RASSF9: variants seen among roughly 807,000 people sequenced by gnomAD.
RASSF9 encodes the protein Ras association domain family member 9.
A neutral mutation model predicts 21.4 loss-of-function variants in RASSF9; 18 were observed. The ratio of observed to expected loss-of-function variants is 0.84; its 90% CI spans 0.58 to 1.25. The LOEUF (loss-of-function observed/expected upper bound fraction) is 1.25, where lower values mean the gene tolerates loss of function less well. Ranked by LOEUF, RASSF9 falls within the 50% of genes most tolerant of loss-of-function variation. The probability of loss-of-function intolerance (pLI) is 0.00; values close to 1 mark genes in which losing one functional copy is unlikely to be tolerated. For missense variants in RASSF9, 480 were observed against 503.2 expected (o/e 0.95, Z 0.44); for synonymous variants, 183 against 179.1 (o/e 1.02, Z -0.18).
At chr12:85,816,978 AAT>A (rs1383926750) in intron 1 of RASSF9, among the ~76,000 whole-genome samples, 1 of 152,120 alleles carries the variant, frequency 6.6e-6, no homozygotes, top group Non-Finnish European at 1.5e-5. Context: ...CAAGTTCGGA[AAT>A]AGAGTTAGGA....
chr12:85,804,944 C>A lies in RASSF9; in HGVS notation c.1066G>T (p.Glu356Ter). Reference protein sequence around the residue: ...SDSLLQMKAKEYELLAKEFNS... With the variant: ...SDSLLQMKAK ...AATTCCTTGGCCAGGAGTTCATATT[C>A]TTTTGCTTTCATCTGAAGCAATGAG... The change falls in exon 2 of 2, where the codon GAA becomes TAA. Residue 356 changes from glutamate (E) to a stop codon, truncating the protein, a stop_gained. Coordinates refer to ENST00000361228, the MANE Select transcript of RASSF9 (RefSeq NM_005447.4). LOFTEE classifies it high-confidence loss of function. 1 of 1,613,842 alleles carries A rather than the reference C, an allele frequency of 6.2e-7. No individual in the cohort carries two copies.
At chr12:85,829,357 C>T (rs895906845) in intron 1 of RASSF9, among the ~76,000 whole-genome samples, 10 of 152,034 alleles carry the variant, frequency 6.6e-5, no homozygotes, top group Admixed American at 2.0e-4. Context: ...ATCTGATACA[C>T]GGACCAATTT....
intron 1 of RASSF9, among the ~76,000 whole-genome samples, chr12:85,820,919 G>A (rs1880192739): frequency 6.6e-6 from 1 of 152,128 alleles, no homozygotes. Flanking sequence ...GCTGAGGTGG[G>A]CAGATCACGA....
At position 85,803,035 on chromosome 12, in the gene RASSF9, G is replaced by A. The variant is rs953841737; in HGVS notation, c.*1667C>T. On this transcript the variant is annotated 3_prime_UTR_variant, in exon 2 of 2. Transcript: ENST00000361228. ...AAGAAATGATAGTATAAATGCTCAC[G>A]AAACTGAAACAATCAGAAAATTCTA... The A allele has an allele frequency of 1.5e-4, 23 of 152,036 alleles. No individual in the cohort carries two copies. Among genetic ancestry groups the A allele is most frequent in the African/African-American group, 5.3e-4 (22 of 41,410 alleles). 9.4% of individuals were successfully genotyped at this position (152,036 alleles called of 1,614,324 possible).
chr12:85,816,949 T>A (rs1307390809), intron 1 of RASSF9, among the ~76,000 whole-genome samples: 1 of 151,986 alleles, frequency 6.6e-6, no homozygotes, highest in East Asian at 1.9e-4. Context: ...AACTTGGAGA[T>A]AGAATAACTC....
intron 1 of RASSF9, among the ~76,000 whole-genome samples, chr12:85,809,746 C>G (rs1241225952): frequency 6.6e-6 from 1 of 151,808 alleles, no homozygotes; most frequent in African/African-American, 2.4e-5. Flanking sequence ...CCCATGACCC[C>G]TATTCCAATT....
At chr12:85,806,176 A>C (rs1011629584) in intron 1 of RASSF9, among the ~76,000 whole-genome samples, 1 of 151,250 alleles carries the variant, frequency 6.6e-6, no homozygotes. Context: ...CCTCCCCAGT[A>C]GCTGGGACTA....
intron 1 of RASSF9, among the ~76,000 whole-genome samples, chr12:85,808,342 C>A (rs1383296185): frequency 6.6e-6 from 1 of 151,932 alleles, no homozygotes; most frequent in Admixed American, 6.6e-5. Context: ...TAGTTTATTA[C>A]TCAAAAAATC....
At chr12:85,831,819 C>A (rs553416257) in intron 1 of RASSF9, among the ~76,000 whole-genome samples, 4 of 151,908 alleles carry the variant, frequency 2.6e-5, no homozygotes, top group African/African-American at 4.8e-5. Flanking sequence ...AAATTTAATT[C>A]TTTCTTCCGA....
rs1879852750 is a variant in RASSF9 at position 85,807,096 on chromosome 12, T to C, written c.48-1134A>G. Among the ~76,000 whole-genome samples, 3 of 152,156 alleles carry C rather than the reference T, an allele frequency of 2.0e-5. No individual in the cohort carries two copies. In the South Asian group the frequency reaches 6.2e-4, roughly 32 times the overall value. ...CTGGAAGAAGGGCGGACTATTTTACTTAAAGTGCTTAGGACAGTCTTCCCC... is the reference window on the plus strand; with the variant it reads ...CTGGAAGAAGGGCGGACTATTTTACCTAAAGTGCTTAGGACAGTCTTCCCC... On this transcript the variant is annotated intron_variant, in intron 1 of 1. Coordinates refer to ENST00000361228, the MANE Select transcript of RASSF9 (RefSeq NM_005447.4).
In RASSF9 at chr12:85,805,378, A is replaced by G. The variant is rs749429571; in HGVS notation, c.632T>C (p.Ile211Thr). 1.9e-6 allele frequency: 3 copies of G among 1,613,466 alleles called. No homozygotes were observed. The South Asian group carries it at 3.3e-5, about 18-fold the overall frequency. Residue 211 changes from isoleucine (I) to threonine (T), a missense_variant, in exon 2 of 2, where the codon ATT becomes ACT. Ile to Thr is a moderately conservative substitution (Grantham distance 89, BLOSUM62 -1). Transcript: ENST00000361228. ...VKRMKELDLE[I>T]EKCEAKFHLD... ...ATGGAACTTAGCTTCACACTTTTCA[A>G]TTTCCAGATCCAGCTCTTTCATTCT...
chr12:85,805,283 C>T lies in RASSF9; in HGVS notation c.727G>A (p.Val243Ile), dbSNP rs1381857713. The stretch of plus-strand genomic sequence containing the variant: ...TACTGCAAGTCTAGATTTTGCTCAA[C>T]TTCACTGAAACTGGGCATTAAATAT... ...DAYLMPSFSE[V>I]EQNLDLQYEE... The change falls in exon 2 of 2, where the codon GTT becomes ATT. Residue 243 changes from valine to isoleucine, a missense_variant. Physicochemically the swap from Val to Ile is conservative, Grantham distance 29. Coordinates refer to ENST00000361228, the MANE Select transcript of RASSF9 (RefSeq NM_005447.4). 1 of 1,613,572 alleles carries T rather than the reference C, an allele frequency of 6.2e-7. No homozygotes were observed. Among genetic ancestry groups the T allele is most frequent in the East Asian group, 2.2e-5 (1 of 44,874 alleles).
intron 1 of RASSF9, 123 bp downstream of exon 1, chr12:85,836,032 C>T: frequency 6.6e-7 from 1 of 1,521,962 alleles, no homozygotes; most frequent in Non-Finnish European, 8.8e-7. Context: ...CCCACGAAGC[C>T]TTTTTTTATC....
At chr12:85,806,167 C>A (rs558362278) in intron 1 of RASSF9, among the ~76,000 whole-genome samples, 1 of 151,886 alleles carries the variant, frequency 6.6e-6, no homozygotes, top group Admixed American at 6.5e-5. Context: ...CTGCCTCAGC[C>A]TCCCCAGTAG....
intron 1 of RASSF9, among the ~76,000 whole-genome samples, chr12:85,810,660 A>G (rs552285645): frequency 6.6e-6 from 1 of 152,024 alleles, no homozygotes; most frequent in Admixed American, 6.6e-5. Flanking sequence ...GCCTAAATAA[A>G]ATGTTCCCAT....
chr12:85,813,208 G>T (rs908773744), intron 1 of RASSF9, among the ~76,000 whole-genome samples: 1 of 151,762 alleles, frequency 6.6e-6, no homozygotes, highest in Non-Finnish European at 1.5e-5. Context: ...TAGCCTCAGG[G>T]ATATTTTTCC....
At chr12:85,833,548 A>G (rs1429102373) in intron 1 of RASSF9, among the ~76,000 whole-genome samples, 1 of 151,970 alleles carries the variant, frequency 6.6e-6, no homozygotes, top group East Asian at 1.9e-4. Context: ...ATGAGGTTCA[A>G]TTTTGGGTAA....
Position 85,805,757 on chromosome 12 carries a change from C to A in RASSF9, c.253G>T (p.Gly85Cys), listed in dbSNP as rs371413533. 17 of 1,613,824 alleles carry A rather than the reference C, an allele frequency of 1.1e-5. No individual in the cohort carries two copies. The highest frequency in any genetic ancestry group is 1.4e-5 in the Non-Finnish European group (17 of 1,179,862). The part of the protein sequence containing the change: ...SDYCIIEKWR[G>C]SERVLPPLTR... Reference sequence around the variant, plus strand: ...AGTGGAGGAAGAACCCTTTCGGAGCCTCTCCACTTCTCTATGATGCAGTAA... The same window carrying A: ...AGTGGAGGAAGAACCCTTTCGGAGCATCTCCACTTCTCTATGATGCAGTAA... Residue 85 changes from glycine (G) to cysteine (C), a missense_variant, in exon 2 of 2, where the codon GGC (glycine) becomes TGC (cysteine). Coordinates refer to ENST00000361228, the MANE Select transcript of RASSF9 (RefSeq NM_005447.4).
chr12:85,834,783 G>A (rs1427073040), intron 1 of RASSF9, among the ~76,000 whole-genome samples: 1 of 151,940 alleles, frequency 6.6e-6, no homozygotes, highest in Admixed American at 6.6e-5. Context: ...AAAAAACAGA[G>A]TATTTTTATT....
Sources: allele counts gnomAD v4.1 joint callset (sites outside exome capture counted in the v4.1 genomes callset), GRCh38; gene constraint gnomAD v4.1.1; transcripts MANE v1.5; gene names NCBI Gene and HGNC (gene_info 2026-07-23, HGNC 2026-07-21).